Variants in AGBL1 observed in about 807,000 individuals in gnomAD.
AGBL1 encodes the protein AGBL carboxypeptidase 1, also known as cytosolic carboxypeptidase 4.
In AGBL1, 130 loss-of-function variants were observed where a neutral mutation model predicts 118.9. The ratio of observed to expected loss-of-function variants is 1.09; its 90% CI spans 0.95 to 1.26. The LOEUF (loss-of-function observed/expected upper bound fraction) is 1.26. Ranked by LOEUF, AGBL1 falls within the 50% of genes most tolerant of loss-of-function variation. AGBL1 has a pLI of 0.00. For synonymous variants in AGBL1, 555 were observed against 478.9 expected, an observed-to-expected ratio of 1.16 and a Z score of -2.08; for missense variants, 1,584 against 1,298.1, an observed-to-expected ratio of 1.22 and a Z score of -3.38.
At chr15:86,353,908 A>G (rs1430619803) in intron 17 of AGBL1, among the ~76,000 whole-genome samples, 1 of 152,216 alleles carries the variant, frequency 6.6e-6, no homozygotes, top group Non-Finnish European at 1.5e-5. Flanking sequence ...TGTGGTTATA[A>G]TAAACTTGAT....
intron 22 of AGBL1, among the ~76,000 whole-genome samples, chr15:86,890,263 A>G (rs980874659): frequency 6.6e-6 from 1 of 151,938 alleles, no homozygotes; most frequent in Non-Finnish European, 1.5e-5. Flanking sequence ...AAAATTGTTT[A>G]AGTTCCTTGT....
intron 21 of AGBL1, among the ~76,000 whole-genome samples, chr15:86,564,585 T>C (rs1161547234): frequency 6.6e-6 from 1 of 152,182 alleles, no homozygotes; most frequent in Non-Finnish European, 1.5e-5. Flanking sequence ...ATTTCAACTT[T>C]GGTGAATCTG....
At chr15:86,971,331 G>T (rs574397993) in intron 23 of AGBL1, among the ~76,000 whole-genome samples, 1 of 152,086 alleles carries the variant, frequency 6.6e-6, no homozygotes, top group East Asian at 1.9e-4. Flanking sequence ...GCTGTATTTT[G>T]TGACATGTGG....
At chr15:86,132,984 T>C (rs1822639) in intron 1 of AGBL1, among the ~76,000 whole-genome samples, 33,784 of 152,146 alleles carry the variant, frequency 0.22, 3,992 homozygotes, top group South Asian at 0.3. Flanking sequence ...CAACATTTTA[T>C]TGAGCGTTTA....
At chr15:87,004,789 GTCTT>G (rs1456973078) in intron 24 of AGBL1, among the ~76,000 whole-genome samples, 1 of 152,098 alleles carries the variant, frequency 6.6e-6, no homozygotes, top group East Asian at 1.9e-4. Context: ...AGCATTGATG[GTCTT>G]TCTTTACAAT....
rs182845971 is a variant in AGBL1, at chr15:86,081,090, C to T, written c.51+1067C>T. ...ACAGCGTCTCACTCTGTCGCCCAGG[C>T]TGGAGTGCAATGGTGTGATCTCGAC... On this transcript the variant is annotated intron_variant, in intron 1 of 22. Coordinates refer to ENST00000614907, the MANE Select transcript of AGBL1 (RefSeq NM_001386094.1). Among the ~76,000 whole-genome samples, 172 of 152,332 alleles carry T rather than the reference C, an allele frequency of 1.1e-3. 1 individual carries two copies. Among genetic ancestry groups the T allele is most frequent in the Non-Finnish European group, 3.2e-4 (22 of 68,022 alleles).
intron 15 of AGBL1, among the ~76,000 whole-genome samples, chr15:86,275,643 T>C (rs376754804): frequency 6.6e-6 from 1 of 152,204 alleles, no homozygotes; most frequent in African/African-American, 2.4e-5. Context: ...TTTATGATTA[T>C]AAAAGTGCAG....
intron 24 of AGBL1, among the ~76,000 whole-genome samples, chr15:87,006,627 C>A (rs980224005): frequency 1.3e-5 from 2 of 152,142 alleles, no homozygotes; most frequent in Non-Finnish European, 2.9e-5. Flanking sequence ...ATTCCCTGAC[C>A]CCTTGCACTT....
chr15:86,189,861 G>A (rs896602863), intron 5 of AGBL1, among the ~76,000 whole-genome samples: 18 of 152,306 alleles, frequency 1.2e-4, no homozygotes, highest in Non-Finnish European at 2.6e-4. Flanking sequence ...TTTGTAGAGA[G>A]CATGTATATC....
chr15:86,566,649 A>G (rs369084907), intron 21 of AGBL1, among the ~76,000 whole-genome samples: 1 of 152,136 alleles, frequency 6.6e-6, no homozygotes, highest in African/African-American at 2.4e-5. Flanking sequence ...TGCGCAGCCC[A>G]GATGGGACAC....
chr15:86,629,129 C>G (rs1011033215), intron 21 of AGBL1, among the ~76,000 whole-genome samples: 12 of 152,166 alleles, frequency 7.9e-5, no homozygotes, highest in Non-Finnish European at 1.6e-4. Flanking sequence ...TGACTAACAT[C>G]TTCCCATTTT....
chr15:86,778,362 C>T (rs1278661758), intron 22 of AGBL1, among the ~76,000 whole-genome samples: 2 of 152,122 alleles, frequency 1.3e-5, no homozygotes, highest in African/African-American at 2.4e-5. Flanking sequence ...GACAACCAGT[C>T]TGACCAAAAT....
intron 9 of AGBL1, among the ~76,000 whole-genome samples, chr15:86,262,078 C>CTTTTTTTTTTTTTTTTT (rs61365024): frequency 0.032 from 1,701 of 52,676 alleles, 505 homozygotes; most frequent in Middle Eastern, 0.059. Context: ...GCATAGCTGG[C>CTTTTTTTTTTTTTTTTT]TTTTTTTTTT....
chr15:86,759,900 T>C (rs1262187568), intron 22 of AGBL1, among the ~76,000 whole-genome samples: 7 of 152,116 alleles, frequency 4.6e-5, no homozygotes, highest in Non-Finnish European at 1.0e-4. Flanking sequence ...TTATCACCTT[T>C]CCTAGAGCAG....
At chr15:86,947,729 T>C (rs2080840483) in intron 23 of AGBL1, among the ~76,000 whole-genome samples, 1 of 152,200 alleles carries the variant, frequency 6.6e-6, no homozygotes, top group South Asian at 2.1e-4. Flanking sequence ...GCTGAATGAC[T>C]GAGGGCAAGT....
At chr15:86,474,550 G>A (rs2082526263) in intron 18 of AGBL1, among the ~76,000 whole-genome samples, 1 of 152,228 alleles carries the variant, frequency 6.6e-6, no homozygotes, top group East Asian at 1.9e-4. Context: ...CATTGCTGAG[G>A]CTTGAGTAGG....
chr15:86,154,610 G>T lies in AGBL1; in HGVS notation c.394+49G>T, dbSNP rs773547112. On this transcript the variant is annotated intron_variant, in intron 4 of 22. Coordinates refer to ENST00000614907, the MANE Select transcript of AGBL1 (RefSeq NM_001386094.1). ...CGGGGATGGCTTCCAAACCTGGGCT[G>T]GGACACATGGAAACTGCATGAGGGT... 5.1e-6 allele frequency: 8 copies of T among 1,563,186 alleles called. No homozygotes were observed. The South Asian group carries it at 9.5e-5, about 19-fold the overall frequency.
intron 22 of AGBL1, among the ~76,000 whole-genome samples, chr15:86,889,985 A>G (rs1371595907): frequency 6.6e-6 from 1 of 152,206 alleles, no homozygotes; most frequent in Non-Finnish European, 1.5e-5. Flanking sequence ...GTCTTCCACA[A>G]TGGTTGAACT....
chr15:86,417,569 G>A (rs1221350713), intron 18 of AGBL1, among the ~76,000 whole-genome samples: 1 of 152,222 alleles, frequency 6.6e-6, no homozygotes, highest in Non-Finnish European at 1.5e-5. Flanking sequence ...GTATCATACA[G>A]TGTTAGACAT....
Sources: gnomAD v4.1 joint callset for allele counts (sites outside exome capture counted in the v4.1 genomes callset) on GRCh38, gnomAD v4.1.1 for gene constraint, MANE v1.5 for transcripts, NCBI Gene and HGNC (gene_info 2026-07-23, HGNC 2026-07-21) for gene names.